The following DAAM1 variants were observed in gnomAD, a reference collection of about 807,000 sequenced individuals.
The protein encoded by DAAM1 is dishevelled associated activator of morphogenesis 1.
A neutral mutation model predicts 130.0 loss-of-function variants in DAAM1; 52 were observed. That is an observed-to-expected ratio of 0.40 (90% CI 0.32 to 0.50). DAAM1 has a LOEUF of 0.50. Ranked by LOEUF, DAAM1 falls within the 20% of genes least tolerant of loss-of-function variation. The pLI is 0.61. For missense variants in DAAM1, 1,134 were observed against 1,303.8 expected (o/e 0.87, Z 2.01); for synonymous variants, 452 against 444.5 (o/e 1.02, Z -0.21).
rs113642377 is a variant in DAAM1, at chr14:59,267,311, C to T, written c.183+3651C>T. Reference sequence around the variant, plus strand: ...TTCTTTCAGAATTGGTTACTGCAACCGTATCACCTCATTAGTAAAGCAAGC... The same window carrying T: ...TTCTTTCAGAATTGGTTACTGCAACTGTATCACCTCATTAGTAAAGCAAGC... On this transcript the variant is annotated intron_variant, in intron 2 of 24. Coordinates refer to ENST00000360909, the MANE Select transcript of DAAM1 (RefSeq NM_001270520.2). 3.9e-5 allele frequency among the ~76,000 whole-genome samples: 6 copies of T among 152,096 alleles called. 1 individual carries two copies. Among genetic ancestry groups the T allele is most frequent in the African/African-American group, 7.2e-5 (3 of 41,498 alleles).
rs138548904 is a variant in DAAM1 at position 59,278,357 on chromosome 14, T to C, written c.184-12860T>C. Among the ~76,000 whole-genome samples the C allele has an allele frequency of 2.4e-3, 358 of 152,290 alleles. 1 individual carries two copies. Among genetic ancestry groups the C allele is most frequent in the African/African-American group, 8.2e-3 (339 of 41,572 alleles). On this transcript the variant is annotated intron_variant, in intron 2 of 24. Transcript: ENST00000360909. Reference sequence around the variant, plus strand: ...TCATGACTAATGAGCAAGGAATGTATACAGCCTGAATATGCTGGACAAAGG... The same window carrying C: ...TCATGACTAATGAGCAAGGAATGTACACAGCCTGAATATGCTGGACAAAGG...
intron 2 of DAAM1, among the ~76,000 whole-genome samples, chr14:59,282,119 G>C (rs1480854635): frequency 3.3e-5 from 5 of 152,090 alleles, no homozygotes; most frequent in African/African-American, 1.2e-4. Flanking sequence ...AGCCTTCACT[G>C]TCCCACCTTT....
At chr14:59,256,727 A>G (rs542282983) in intron 1 of DAAM1, among the ~76,000 whole-genome samples, 14 of 152,320 alleles carry the variant, frequency 9.2e-5, no homozygotes, top group African/African-American at 3.4e-4. Flanking sequence ...GAAGCTATGC[A>G]TTCCTTCTTC....
At chr14:59,344,289 C>T (rs1034312142) in intron 16 of DAAM1, among the ~76,000 whole-genome samples, 8 of 152,186 alleles carry the variant, frequency 5.3e-5, no homozygotes, top group East Asian at 1.9e-4. Flanking sequence ...ATTTTAATTA[C>T]GCCTGGATGT....
intron 3 of DAAM1, among the ~76,000 whole-genome samples, chr14:59,301,228 T>C (rs1337708369): frequency 6.6e-6 from 1 of 152,106 alleles, no homozygotes; most frequent in Non-Finnish European, 1.5e-5. Context: ...TACTGTAATA[T>C]AAAGTGCTCA....
intron 1 of DAAM1, among the ~76,000 whole-genome samples, chr14:59,200,918 T>G (rs1305468400): frequency 6.6e-6 from 1 of 152,090 alleles, no homozygotes; most frequent in Non-Finnish European, 1.5e-5. Context: ...TCCCAGCACT[T>G]TGGGAGGCCA....
At chr14:59,298,330 C>G (rs950923997) in intron 3 of DAAM1, among the ~76,000 whole-genome samples, 5 of 151,336 alleles carry the variant, frequency 3.3e-5, no homozygotes, top group Admixed American at 2.6e-4. Context: ...TTTTCTTTGT[C>G]CAGCTCAATC....
At chr14:59,219,258 C>G (rs1888691386) in intron 1 of DAAM1, among the ~76,000 whole-genome samples, 1 of 152,208 alleles carries the variant, frequency 6.6e-6, no homozygotes, top group South Asian at 2.1e-4. Flanking sequence ...CACCCCATCA[C>G]CAGCCTATCC....
intron 1 of DAAM1, among the ~76,000 whole-genome samples, chr14:59,207,180 T>A (rs1888285482): frequency 6.6e-6 from 1 of 152,234 alleles, no homozygotes; most frequent in African/African-American, 2.4e-5. Flanking sequence ...CTGAAATAAA[T>A]TTGCTAGTGT....
At chr14:59,235,575 T>G (rs181025634) in intron 1 of DAAM1, among the ~76,000 whole-genome samples, 2 of 152,242 alleles carry the variant, frequency 1.3e-5, no homozygotes, top group Non-Finnish European at 2.9e-5. Flanking sequence ...TTTTTAAATT[T>G]TTTCAAAAAA....
intron 2 of DAAM1, among the ~76,000 whole-genome samples, chr14:59,279,377 T>G (rs1276581386): frequency 6.6e-6 from 1 of 152,208 alleles, no homozygotes; most frequent in Non-Finnish European, 1.5e-5. Context: ...ATGAAAAATC[T>G]CCTGAAATGT....
At chr14:59,225,551 A>C (rs1479862664) in intron 1 of DAAM1, among the ~76,000 whole-genome samples, 2 of 151,892 alleles carry the variant, frequency 1.3e-5, no homozygotes, top group African/African-American at 2.4e-5. Context: ...CCTCCATCCT[A>C]CTCCATGAAT....
chr14:59,368,453 G>A (rs948721012), intron 24 of DAAM1, among the ~76,000 whole-genome samples, 197 bp from the exon 25 acceptor site: 1 of 152,012 alleles, frequency 6.6e-6, no homozygotes, highest in East Asian at 1.9e-4. Context: ...GGGAGTGGTT[G>A]TTTTTTGTTG....
At chr14:59,281,805 T>TA (rs1184665783) in intron 2 of DAAM1, among the ~76,000 whole-genome samples, 2 of 152,164 alleles carry the variant, frequency 1.3e-5, no homozygotes, top group Non-Finnish European at 2.9e-5. Flanking sequence ...GATAGTTTCT[T>TA]AGAGTCCTGC....
At chr14:59,281,276 A>G (rs1267377137) in intron 2 of DAAM1, among the ~76,000 whole-genome samples, 1 of 152,188 alleles carries the variant, frequency 6.6e-6, no homozygotes, top group Non-Finnish European at 1.5e-5. Flanking sequence ...ACTGTTCAGT[A>G]GATAAGACAC....
intron 1 of DAAM1, among the ~76,000 whole-genome samples, chr14:59,222,545 G>C (rs985575610): frequency 1.3e-5 from 2 of 152,170 alleles, no homozygotes; most frequent in Non-Finnish European, 2.9e-5. Flanking sequence ...GCGAGTTGAA[G>C]TCTGTGTTGC....
At chr14:59,197,842 C>G (rs7147759) in intron 1 of DAAM1, among the ~76,000 whole-genome samples, 8,661 of 152,172 alleles carry the variant, frequency 0.057, 827 homozygotes, top group African/African-American at 0.2. Flanking sequence ...CTGCCAAGTT[C>G]CATATCTTGG....
Position 59,369,096 on chromosome 14 carries a change from G to A in DAAM1, c.*237G>A. The A allele has an allele frequency of 2.3e-6, 1 of 441,624 alleles. No individual in the cohort carries two copies. Among genetic ancestry groups the A allele is most frequent in the Admixed American group, 4.0e-5 (1 of 24,940 alleles). The allele number at this position is 441,624 out of a possible 1,614,324, so 27.4% of individuals were successfully genotyped here. On this transcript the variant is annotated 3_prime_UTR_variant, in exon 25 of 25. Coordinates refer to ENST00000360909, the MANE Select transcript of DAAM1 (RefSeq NM_001270520.2). ...TAAAAAGATTTATGTTAATGTATGT[G>A]CTCCAAAACCTTTCGTGTATGCATT...
Position 59,367,498 on chromosome 14 carries a change from T to G in DAAM1, c.2896T>G (p.Phe966Val). The G allele has an allele frequency of 6.2e-7, 1 of 1,613,946 alleles. No homozygotes were observed. The highest frequency in any genetic ancestry group is 1.1e-5 in the South Asian group (1 of 91,038). Residue 966 changes from phenylalanine (F) to valine (V), a missense_variant, in exon 24 of 25, where the codon TTT (phenylalanine) becomes GTT (valine). Transcript: ENST00000360909. ...KIQPDEFFGI[F>V]DQFLQAVSEA... Reference sequence around the variant, plus strand: ...ACAACCAGATGAGTTCTTTGGCATTTTTGATCAATTTCTTCAAGCTGTGTC... The same window carrying G: ...ACAACCAGATGAGTTCTTTGGCATTGTTGATCAATTTCTTCAAGCTGTGTC...
Sources: allele counts gnomAD v4.1 joint callset (sites outside exome capture counted in the v4.1 genomes callset), GRCh38; gene constraint gnomAD v4.1.1; transcripts MANE v1.5; gene names NCBI Gene and HGNC (gene_info 2026-07-23, HGNC 2026-07-21).